ARID3C: variants seen among roughly 807,000 people sequenced by gnomAD.
The protein encoded by ARID3C is AT-rich interaction domain 3C.
A neutral mutation model predicts 37.9 loss-of-function variants in ARID3C; 42 were observed. That is an observed-to-expected ratio of 1.11 (90% CI 0.87 to 1.43). The LOEUF is 1.43. Among genes scored for constraint, ARID3C ranks in the 40% most tolerant of loss-of-function variants. ARID3C has a pLI of 0.00. For missense variants in ARID3C, 581 were observed against 548.8 expected (o/e 1.06, Z -0.59); for synonymous variants, 213 against 228.0 (o/e 0.93, Z 0.59).
upstream of ARID3C, among the ~76,000 whole-genome samples, chr9:34,630,647 G>A (rs1052299744): frequency 6.6e-6 from 1 of 152,048 alleles, no homozygotes; most frequent in African/African-American, 2.4e-5. Flanking sequence ...TGACCATGGT[G>A]GGTCTGACCA....
chr9:34,621,969 C>T, intron 6 of ARID3C, 51 bp downstream of exon 7: 1 of 1,560,106 alleles, frequency 6.4e-7, no homozygotes, highest in Non-Finnish European at 8.8e-7. Flanking sequence ...CCCATGCCAG[C>T]CTAAATACCC....
At position 34,623,669 on chromosome 9, in the gene ARID3C, GA is replaced by G; in HGVS notation, c.620del (p.Leu207ProfsTer11). 1 of 1,581,568 alleles carries G rather than the reference GA, an allele frequency of 6.3e-7. No homozygotes were observed. ...CGGCCTGGAGCTCCCCTGGGGAGCT[GA>G]GCGCTCGAGTCTCGCACTCGTACGG... is the stretch of plus-strand genomic sequence containing the variant. On this transcript the variant is annotated frameshift_variant, in exon 4 of 7. Transcript: ENST00000378909. LOFTEE classifies it high-confidence loss of function.
chr9:34,623,796 A>ACCCAACC, intron 3 of ARID3C, 68 bp downstream of exon 4: 1 of 1,134,836 alleles, frequency 8.8e-7, no homozygotes, highest in Non-Finnish European at 1.3e-6. Context: ...CCGCCCGGGG[A>ACCCAACC]CCCTCCCCCC....
Position 34,623,970 on chromosome 9 carries a change from T to A in ARID3C, c.469A>T (p.Lys157Ter). 1 of 1,605,452 alleles carries A rather than the reference T, an allele frequency of 6.2e-7. No individual in the cohort carries two copies. The highest frequency in any genetic ancestry group is 8.5e-7 in the Non-Finnish European group (1 of 1,178,178). ...TTGATGACTTCCACCAGGCCGCCCT[T>A]GGCGGTCACCAGGCGAAACAGAGCG... Residue 157 changes from lysine to a stop codon, truncating the protein, a stop_gained, in exon 3 of 7, where the codon AAG (lysine) becomes TAG (stop). Transcript: ENST00000378909. LOFTEE classifies it high-confidence loss of function.
exon 4 of ARID3C, chr9:34,623,563 G>T: frequency 6.2e-7 from 1 of 1,603,938 alleles, no homozygotes; most frequent in Non-Finnish European, 8.5e-7. Context: ...TGAGCGCCCC[G>T]AGGGGGCGGC....
intron 6 of ARID3C, 25 bp downstream of exon 7, chr9:34,621,995 T>C (rs1820571230): frequency 1.2e-6 from 2 of 1,609,916 alleles, no homozygotes; most frequent in Non-Finnish European, 1.7e-6. Flanking sequence ...CCCATGCCAG[T>C]GTAGACAGCC....
At chr9:34,622,222 A>G (rs1417926214) in intron 5 of ARID3C, 113 bp from the exon 7 acceptor site, 10 of 1,563,328 alleles carry the variant, frequency 6.4e-6, no homozygotes, top group Non-Finnish European at 8.7e-6. Flanking sequence ...TCAGCCCCAC[A>G]CCTATACTCA....
At chr9:34,623,602 T>G (rs1181813074) in exon 4 of ARID3C, 12 of 1,608,718 alleles carry the variant, frequency 7.5e-6, no homozygotes, top group Non-Finnish European at 1.0e-5. Flanking sequence ...GGAGTAGCGG[T>G]GTAAGCCTGG....
chr9:34,626,765 T>A (rs1820658709), intron 1 of ARID3C, among the ~76,000 whole-genome samples: 1 of 152,140 alleles, frequency 6.6e-6, no homozygotes, highest in Non-Finnish European at 1.5e-5. Flanking sequence ...CCCCTAGAAT[T>A]ATACCTAGGA....
At chr9:34,627,662 G>C in intron 1 of ARID3C, 35 bp downstream of exon 2, 11 of 1,542,964 alleles carry the variant, frequency 7.1e-6, no homozygotes, top group Non-Finnish European at 8.8e-6. Flanking sequence ...AGAGAGATAG[G>C]GAAGAGGGCC....
At chr9:34,629,910 C>T (rs1445425965), upstream of ARID3C, among the ~76,000 whole-genome samples, 1 of 151,976 alleles carries the variant, frequency 6.6e-6, no homozygotes, top group African/African-American at 2.4e-5. Flanking sequence ...TTACAGGCGT[C>T]CACCACCAGA....
chr9:34,628,115 G>T, upstream of ARID3C: 1 of 1,404,612 alleles, frequency 7.1e-7, no homozygotes, highest in Non-Finnish European at 9.3e-7. This position sits in a 1 kb window ranked among gnomAD's most constrained non-coding sequence, Gnocchi z 5.2. Flanking sequence ...TGGGTGCTGG[G>T]CCCTACTGCC....
chr9:34,622,135 A>C, intron 5 of ARID3C, 26 bp from the exon 7 acceptor site: 1 of 1,612,682 alleles, frequency 6.2e-7, no homozygotes, highest in Non-Finnish European at 8.5e-7. Flanking sequence ...CAGAGGAATC[A>C]CATTTTGGAG....
exon 7 of ARID3C, chr9:34,621,412 C>T (rs1170048924): frequency 7.6e-7 from 1 of 1,316,142 alleles, no homozygotes; most frequent in Non-Finnish European, 1.0e-6. Flanking sequence ...GGGTCTCCTC[C>T]CCCCTCAGCA....
chr9:34,627,712 C>T (rs1308309616), exon 1 of ARID3C: 2 of 1,611,482 alleles, frequency 1.2e-6, no homozygotes, highest in Admixed American at 1.7e-5. Flanking sequence ...TGAATTGTTC[C>T]TCGTAGGTCC....
At chr9:34,624,470 C>T (rs1820627673) in intron 2 of ARID3C, among the ~76,000 whole-genome samples, 1 of 152,226 alleles carries the variant, frequency 6.6e-6, no homozygotes, top group African/African-American at 2.4e-5. Flanking sequence ...TGGGTTTGGC[C>T]TGCAAACTTT....
At chr9:34,626,541 A>G (rs78982016) in intron 1 of ARID3C, among the ~76,000 whole-genome samples, 5,692 of 152,226 alleles carry the variant, frequency 0.037, 142 homozygotes, top group South Asian at 0.1. Flanking sequence ...AATACTAGTC[A>G]AGAGAACCAC....
At chr9:34,622,036 G>A (rs563083593) in exon 6 of ARID3C, 42 of 1,614,108 alleles carry the variant, frequency 2.6e-5, no homozygotes, top group Middle Eastern at 3.3e-4. Flanking sequence ...AGACCACCCC[G>A]TTGATCTCTA....
At chr9:34,627,246 C>G (rs537425050) in intron 1 of ARID3C, among the ~76,000 whole-genome samples, 39 of 152,304 alleles carry the variant, frequency 2.6e-4, no homozygotes, top group African/African-American at 8.9e-4. Context: ...GAGGAAGCAA[C>G]TGGGTCACCC....
Sources: allele counts gnomAD v4.1 joint callset (sites outside exome capture counted in the v4.1 genomes callset), GRCh38; gene constraint gnomAD v4.1.1; non-coding constraint Gnocchi (gnomAD v3.1); transcripts MANE v1.5; gene names NCBI Gene and HGNC (gene_info 2026-07-23, HGNC 2026-07-21).